The following ACCSL variants were observed in gnomAD, a reference collection of about 807,000 sequenced individuals.
The protein encoded by ACCSL is 1-aminocyclopropane-1-carboxylate synthase homolog (inactive) like.
In ACCSL, 55 loss-of-function variants were observed where a neutral mutation model predicts 61.7. That is an observed-to-expected ratio of 0.89 (90% CI 0.72 to 1.12). The LOEUF (loss-of-function observed/expected upper bound fraction) is 1.12, where lower values mean the gene tolerates loss of function less well. Ranked by LOEUF, ACCSL falls within the 50% of genes most tolerant of loss-of-function variation. The probability of loss-of-function intolerance (pLI) is 0.00; values close to 1 mark genes in which losing one functional copy is unlikely to be tolerated. For missense variants in ACCSL, 632 were observed against 698.0 expected, an observed-to-expected ratio of 0.91 and a Z score of 1.07; for synonymous variants, 258 against 264.3, an observed-to-expected ratio of 0.98 and a Z score of 0.23.
chr11:44,044,890 C>G (rs908549324), upstream of ACCSL, among the ~76,000 whole-genome samples: 2 of 152,084 alleles, frequency 1.3e-5, no homozygotes, highest in African/African-American at 4.8e-5. Context: ...AGAGAAGGCC[C>G]CCGGGTGAAT....
chr11:44,051,424 T>C lies in ACCSL; in HGVS notation c.705+20T>C, dbSNP rs1952638323. The C allele has an allele frequency of 1.2e-6, 2 of 1,613,776 alleles. No individual in the cohort carries two copies. The highest frequency in any genetic ancestry group is 1.1e-5 in the South Asian group (1 of 91,078). ...GAAAATGTGAGTCAGTTTCCCAGCC[T>C]TGCTGCCACCCTGGTGGAGGGCTAT... On this transcript the variant is annotated intron_variant, in intron 4 of 13. Coordinates refer to ENST00000378832, the MANE Select transcript of ACCSL (RefSeq NM_001031854.2).
intron 2 of ACCSL, 152 bp downstream of exon 2, chr11:44,050,273 G>A: frequency 1.4e-6 from 1 of 734,774 alleles, no homozygotes; most frequent in Non-Finnish European, 2.4e-6. Context: ...TTAACCTCCT[G>A]GCTTTGCTGA....
At chr11:44,023,492 C>G in the ACCSL span, among the ~76,000 whole-genome samples, 2 of 151,664 alleles carry the variant, frequency 1.3e-5, no homozygotes, top group Non-Finnish European at 2.9e-5. Flanking sequence ...ATGATTGGTA[C>G]TCATGTCCTC....
At chr11:43,925,030 A>G in the ACCSL span, 1 of 172,446 alleles carries the variant, frequency 5.8e-6, no homozygotes, top group African/African-American at 2.3e-5. Flanking sequence ...TTTCTCTCAG[A>G]CTTTCAGCCT....
At chr11:43,936,017 T>C in the ACCSL span, among the ~76,000 whole-genome samples, 1 of 152,192 alleles carries the variant, frequency 6.6e-6, no homozygotes, top group Non-Finnish European at 1.5e-5. Flanking sequence ...CCCCCGATGC[T>C]GGGCAGGTCC....
intron 1 of ACCSL, among the ~76,000 whole-genome samples, chr11:44,049,419 C>CA (rs33944147): frequency 0.39 from 13,203 of 33,882 alleles, 3,387 homozygotes; most frequent in East Asian, 0.46. Context: ...GACCCTGTCT[C>CA]AAAAAAAAAA....
the ACCSL span, among the ~76,000 whole-genome samples, chr11:44,034,573 G>C: frequency 6.6e-6 from 1 of 152,138 alleles, no homozygotes; most frequent in Non-Finnish European, 1.5e-5. Context: ...GAGAGAGAGA[G>C]AGAGCTTGTA....
chr11:44,001,113 A>G, the ACCSL span: 2 of 152,142 alleles, frequency 1.3e-5, no homozygotes, highest in African/African-American at 4.8e-5. Flanking sequence ...TGTCCTAACT[A>G]TGGGAGTCAC....
chr11:43,964,974 C>T, the ACCSL span, among the ~76,000 whole-genome samples: 10 of 152,166 alleles, frequency 6.6e-5, no homozygotes, highest in Non-Finnish European at 1.0e-4. Flanking sequence ...ATGAAATACC[C>T]GTAGCTAACA....
chr11:44,032,919 G>A, the ACCSL span, among the ~76,000 whole-genome samples: 158 of 152,314 alleles, frequency 1.0e-3, no homozygotes, highest in Middle Eastern at 0.02. Flanking sequence ...CGAGGGAGAC[G>A]CGGGTGGAGA....
chr11:44,058,177 G>GT lies in ACCSL; in HGVS notation c.1328-132dup, dbSNP rs577333037. 3.2e-3 allele frequency: 3,600 copies of GT among 1,109,006 alleles called. 15 individuals carry two copies. Among genetic ancestry groups the GT allele is most frequent in the Non-Finnish European group, 3.1e-3 (2,462 of 795,152 alleles). 68.7% of individuals were successfully genotyped at this position (1,109,006 alleles called of 1,614,324 possible). A position where few individuals can be genotyped will look rare whatever the true frequency, so the allele number is the denominator to read the frequency against. ...GACAGAGGGAAACTCTGGTTTTTTTGTTTTTTTTAAAAACAGACAAACAAA... is the reference window on the plus strand; with the variant it reads ...GACAGAGGGAAACTCTGGTTTTTTTGTTTTTTTTTAAAAACAGACAAACAAA... On this transcript the variant is annotated intron_variant, in intron 11 of 13. Coordinates refer to ENST00000378832, the MANE Select transcript of ACCSL (RefSeq NM_001031854.2).
chr11:44,024,483 G>GCA, the ACCSL span, among the ~76,000 whole-genome samples: 1 of 133,898 alleles, frequency 7.5e-6, no homozygotes. Context: ...GTGTGTGTGT[G>GCA]TATACATCCT....
In ACCSL at chr11:44,048,559, GGGTGGGC is replaced by G; in HGVS notation, c.504+20_504+26del. 9 of 217,216 alleles carry G rather than the reference GGGTGGGC, an allele frequency of 4.1e-5. No homozygotes were observed. The highest frequency in any genetic ancestry group is 1.5e-4 in the South Asian group (2 of 12,978). 13.5% of individuals were successfully genotyped at this position (217,216 alleles called of 1,614,324 possible). A position where few individuals can be genotyped will look rare whatever the true frequency, so the allele number is the denominator to read the frequency against. On this transcript the variant is annotated intron_variant, in intron 1 of 13. Coordinates refer to ENST00000378832, the MANE Select transcript of ACCSL (RefSeq NM_001031854.2). ...CACCTTGGTGAGAATTTGGGGTGGGGGGTGGGCAGCATCCTCACGGGCTCCAGTCACT... is the reference window on the plus strand; with the variant it reads ...CACCTTGGTGAGAATTTGGGGTGGGGAGCATCCTCACGGGCTCCAGTCACT...
chr11:44,005,285 A>C, the ACCSL span, among the ~76,000 whole-genome samples: 1 of 152,054 alleles, frequency 6.6e-6, no homozygotes, highest in Non-Finnish European at 1.5e-5. Flanking sequence ...ATGGGCTTTC[A>C]AACTCCTTTA....
the ACCSL span, among the ~76,000 whole-genome samples, chr11:43,938,079 A>G: frequency 4.9e-3 from 748 of 152,268 alleles, 6 homozygotes; most frequent in Non-Finnish European, 6.9e-3. Flanking sequence ...GTTTAGACAC[A>G]TGGCCTCCTA....
the ACCSL span, among the ~76,000 whole-genome samples, chr11:43,996,822 T>A: frequency 6.6e-6 from 1 of 151,116 alleles, no homozygotes; most frequent in Non-Finnish European, 1.5e-5. Context: ...CCTTTTTTTT[T>A]TTTTTTTTGA....
chr11:44,051,350 G>A lies in ACCSL; in HGVS notation c.651G>A (p.Val217=), dbSNP rs1325539011. 1.2e-6 allele frequency: 2 copies of A among 1,614,168 alleles called. No individual in the cohort carries two copies. Among genetic ancestry groups the A allele is most frequent in the South Asian group, 2.2e-5 (2 of 91,080 alleles). ...CTGTTTACAGCCTGCGGGAAGAAGT[G>A]GCCCGGTTCCTGACCTACTACTGCA... is the stretch of plus-strand genomic sequence containing the variant. ...WRGQPFLREE[V]ARFLTYYCRA... is the part of the protein sequence containing the mutation. Residue 217 remains valine, a synonymous_variant, in exon 4 of 14, where the codon GTG becomes GTA. Coordinates refer to ENST00000378832, the MANE Select transcript of ACCSL (RefSeq NM_001031854.2).
At chr11:43,951,894 G>A in the ACCSL span, among the ~76,000 whole-genome samples, 1 of 152,162 alleles carries the variant, frequency 6.6e-6, no homozygotes, top group African/African-American at 2.4e-5. Context: ...CCAGCTACTC[G>A]GGAGACTGAG....
At chr11:43,980,279 C>CA in the ACCSL span, among the ~76,000 whole-genome samples, 4 of 152,134 alleles carry the variant, frequency 2.6e-5, no homozygotes, top group South Asian at 4.1e-4. Context: ...CACCTAAACC[C>CA]AAAAAAATGT....
Sources: gnomAD v4.1 joint callset for allele counts (sites outside exome capture counted in the v4.1 genomes callset) on GRCh38, gnomAD v4.1.1 for gene constraint, MANE v1.5 for transcripts, NCBI Gene and HGNC (gene_info 2026-07-23, HGNC 2026-07-21) for gene names.